The following SUSD6 variants were observed in gnomAD, a reference collection of about 807,000 sequenced individuals.
The protein encoded by SUSD6 is sushi domain-containing protein 6.
A neutral mutation model predicts 28.4 loss-of-function variants in SUSD6; 16 were observed. The observed-to-expected ratio is 0.56, with a 90% CI of 0.38 to 0.86. The LOEUF is 0.86. SUSD6 is among the 40% of genes least tolerant of loss of function. SUSD6 has a pLI of 0.00. For synonymous variants in SUSD6, 147 were observed against 159.6 expected, an observed-to-expected ratio of 0.92 and a Z score of 0.59; for missense variants, 341 against 384.2, an observed-to-expected ratio of 0.89 and a Z score of 0.94.
intron 1 of SUSD6, among the ~76,000 whole-genome samples, chr14:69,628,278 T>A (rs1885144395): frequency 6.6e-6 from 1 of 152,146 alleles, no homozygotes; most frequent in Non-Finnish European, 1.5e-5. Flanking sequence ...CTGATCACTT[T>A]CTCTCACCAC....
At chr14:69,665,210 A>G (rs1321263950) in intron 2 of SUSD6, among the ~76,000 whole-genome samples, 1 of 152,198 alleles carries the variant, frequency 6.6e-6, no homozygotes, top group Non-Finnish European at 1.5e-5. Context: ...AACACATGAA[A>G]ATCCGAATTC....
At chr14:69,705,718 C>T (rs578191277) in intron 4 of SUSD6, among the ~76,000 whole-genome samples, 7 of 152,340 alleles carry the variant, frequency 4.6e-5, no homozygotes, top group South Asian at 2.1e-4. Context: ...AGAACCACTG[C>T]ACCACACTAA....
chr14:69,618,123 A>G (rs1384920257), intron 1 of SUSD6, among the ~76,000 whole-genome samples: 1 of 152,152 alleles, frequency 6.6e-6, no homozygotes, highest in South Asian at 2.1e-4. Context: ...TTCCAATTGG[A>G]ACCACAGGTT....
chr14:69,637,426 A>C (rs554444246), intron 1 of SUSD6, among the ~76,000 whole-genome samples: 1 of 152,236 alleles, frequency 6.6e-6, no homozygotes, highest in East Asian at 1.9e-4. Context: ...GTATATACAC[A>C]GCAAATGTTG....
intron 2 of SUSD6, among the ~76,000 whole-genome samples, chr14:69,682,588 C>T (rs1191189312): frequency 6.6e-6 from 1 of 152,094 alleles, no homozygotes. Flanking sequence ...TTTTGCCATC[C>T]ACTGAAGGAG....
At chr14:69,632,652 T>TA (rs200111208) in intron 1 of SUSD6, among the ~76,000 whole-genome samples, 46,278 of 143,400 alleles carry the variant, frequency 0.32, 7,351 homozygotes, top group African/African-American at 0.4. Flanking sequence ...CAACTAGCAT[T>TA]AAAAAAAAAA....
At chr14:69,625,524 G>T (rs553121314) in intron 1 of SUSD6, among the ~76,000 whole-genome samples, 1 of 152,304 alleles carries the variant, frequency 6.6e-6, no homozygotes, top group Non-Finnish European at 1.5e-5. Context: ...GAGGCTTCTC[G>T]GATGTGCAGA....
chr14:69,659,896 G>A (rs1566597479), intron 2 of SUSD6, among the ~76,000 whole-genome samples: 1 of 152,066 alleles, frequency 6.6e-6, no homozygotes, highest in Non-Finnish European at 1.5e-5. Context: ...GTCTTTGTGT[G>A]ATCTTCTAGA....
chr14:69,691,423 G>GT (rs1286437149), intron 2 of SUSD6, among the ~76,000 whole-genome samples: 1 of 152,172 alleles, frequency 6.6e-6, no homozygotes, highest in Non-Finnish European at 1.5e-5. Flanking sequence ...GACCTATGGT[G>GT]TTTTGCTGAT....
At chr14:69,642,069 T>G (rs1885360989) in intron 1 of SUSD6, among the ~76,000 whole-genome samples, 1 of 152,266 alleles carries the variant, frequency 6.6e-6, no homozygotes, top group African/African-American at 2.4e-5. Flanking sequence ...CTCCTAGTTT[T>G]GGCTCATATC....
chr14:69,690,878 C>G (rs1886143137), intron 2 of SUSD6, among the ~76,000 whole-genome samples: 1 of 152,176 alleles, frequency 6.6e-6, no homozygotes, highest in South Asian at 2.1e-4. Context: ...AGAGATGAGA[C>G]TTGTGGCTTC....
chr14:69,637,023 C>T (rs978688105), intron 1 of SUSD6, among the ~76,000 whole-genome samples: 2 of 152,124 alleles, frequency 1.3e-5, no homozygotes, highest in African/African-American at 4.8e-5. Flanking sequence ...GTTAGGATTC[C>T]GTGACAAACC....
intron 2 of SUSD6, among the ~76,000 whole-genome samples, chr14:69,669,467 A>G (rs544329339): frequency 6.6e-6 from 1 of 152,326 alleles, no homozygotes; most frequent in Non-Finnish European, 1.5e-5. Flanking sequence ...TATGGAAATC[A>G]TGCTGGCTGT....
At chr14:69,668,582 C>T (rs1040472263) in intron 2 of SUSD6, among the ~76,000 whole-genome samples, 2 of 150,604 alleles carry the variant, frequency 1.3e-5, no homozygotes, top group Non-Finnish European at 1.5e-5. Context: ...TTGCAGTGAG[C>T]CAAGATTGCA....
chr14:69,621,188 A>C (rs1464182294), intron 1 of SUSD6, among the ~76,000 whole-genome samples: 2 of 152,204 alleles, frequency 1.3e-5, no homozygotes, highest in Non-Finnish European at 2.9e-5. Context: ...TGGATGATTA[A>C]TAAATGATTG....
At chr14:69,673,516 G>A (rs141418931) in intron 2 of SUSD6, among the ~76,000 whole-genome samples, 166 of 152,314 alleles carry the variant, frequency 1.1e-3, no homozygotes, top group African/African-American at 3.8e-3. Context: ...AGGGAGACAA[G>A]TGGCCCTCTC....
intron 1 of SUSD6, among the ~76,000 whole-genome samples, chr14:69,613,695 T>C (rs1744796702): frequency 6.6e-6 from 1 of 152,248 alleles, no homozygotes; most frequent in African/African-American, 2.4e-5. Flanking sequence ...CTGAAGGAAC[T>C]TCTGCCCAGC....
chr14:69,671,982 T>C (rs756827855), intron 2 of SUSD6, among the ~76,000 whole-genome samples: 3 of 152,166 alleles, frequency 2.0e-5, no homozygotes, highest in Non-Finnish European at 2.9e-5. Flanking sequence ...TGAGATAATA[T>C]ATGTAAAAGT....
In SUSD6 at chr14:69,710,993, C is replaced by A. The variant is rs779016784; in HGVS notation, c.*14C>A. On this transcript the variant is annotated 3_prime_UTR_variant, in exon 6 of 6. Transcript: ENST00000342745. The stretch of plus-strand genomic sequence containing the variant: ...AAAGAAGCATGAGGGCAGCGGCCAG[C>A]CTTTCCTCTCTGCGAGGTTCTCTCA... 1 of 1,613,614 alleles carries A rather than the reference C, an allele frequency of 6.2e-7. No homozygotes were observed. The highest frequency in any genetic ancestry group is 2.2e-5 in the East Asian group (1 of 44,884).
Sources: gnomAD v4.1 joint callset for allele counts (sites outside exome capture counted in the v4.1 genomes callset) on GRCh38, gnomAD v4.1.1 for gene constraint, MANE v1.5 for transcripts, NCBI Gene and HGNC (gene_info 2026-07-23, HGNC 2026-07-21) for gene names.